Variants in CYTIP observed in about 807,000 individuals in gnomAD.
CYTIP encodes the protein cytohesin-interacting protein.
Under a neutral mutation model 43.8 loss-of-function variants are expected in CYTIP, and 26 were observed. The ratio of observed to expected loss-of-function variants is 0.59; its 90% CI spans 0.44 to 0.82. The LOEUF (loss-of-function observed/expected upper bound fraction) is 0.82, where lower values mean the gene tolerates loss of function less well. CYTIP is among the 40% of genes least tolerant of loss of function. The probability of loss-of-function intolerance (pLI) is 0.00; values close to 1 mark genes in which losing one functional copy is unlikely to be tolerated. For synonymous variants in CYTIP, 162 were observed against 162.9 expected, an observed-to-expected ratio of 0.99 and a Z score of 0.04; for missense variants, 426 against 443.1, an observed-to-expected ratio of 0.96 and a Z score of 0.35.
Position 157,415,687 on chromosome 2 carries a change from C to T in CYTIP, c.1070G>A (p.Ser357Asn), listed in dbSNP as rs199841400. 5 of 1,606,224 alleles carry T rather than the reference C, an allele frequency of 3.1e-6. No homozygotes were observed. In the African/African-American group the frequency reaches 4.0e-5, roughly 13 times the overall value. ...GLHRAVEEEE[S>N]RF ...GGACACCACAATCCGTCAAAAGCGA[C>T]TTTCTTCCTCTTCCACAGCACGATG... The change falls in exon 8 of 8, where the codon AGT (serine) becomes AAT (asparagine). Residue 357 changes from serine to asparagine, a missense_variant. Transcript: ENST00000264192.
Position 157,434,717 on chromosome 2 carries a change from C to T in CYTIP, c.205G>A (p.Asp69Asn). ...LALTRSSSLSDFSWSQRKLVT... is the reference protein window; with the variant it reads ...LALTRSSSLSNFSWSQRKLVT... ...CTTTACCTTTGAGACCAGGAAAAGT[C>T]ACTTAAAGAACTTGATCTGGTCAAA... The change falls in exon 2 of 8, where the codon GAC (aspartate) becomes AAC (asparagine). Residue 69 changes from aspartate to asparagine, a missense_variant. Physicochemically the swap from Asp to Asn is conservative, Grantham distance 23 (BLOSUM62 1). Transcript: ENST00000264192. 1 of 1,611,674 alleles carries T rather than the reference C, an allele frequency of 6.2e-7. No individual in the cohort carries two copies. Among genetic ancestry groups the T allele is most frequent in the Non-Finnish European group, 8.5e-7 (1 of 1,178,820 alleles).
rs1285345143 is a variant in CYTIP at position 157,415,888 on chromosome 2, C to G, written c.869G>C (p.Gly290Ala). 3 of 1,614,178 alleles carry G rather than the reference C, an allele frequency of 1.9e-6. No homozygotes were observed. The highest frequency in any genetic ancestry group is 2.5e-6 in the Non-Finnish European group (3 of 1,180,022). The change falls in exon 8 of 8, where the codon GGG becomes GCG. Residue 290 changes from glycine to alanine, a missense_variant. Transcript: ENST00000264192. The stretch of plus-strand genomic sequence containing the variant: ...AGATGACCTCCTCAGAAAATCATCC[C>G]CCTCCTTGGGGATAAAGCACTCATC... ...TDDECFIPKE[G>A]DDFLRRSSSR...
intron 6 of CYTIP, 103 bp from the exon 7 acceptor site, chr2:157,418,692 C>A: frequency 9.0e-7 from 1 of 1,107,372 alleles, no homozygotes; most frequent in Non-Finnish European, 1.3e-6. Context: ...AAATTTTTTA[C>A]CTTTCTTTCT....
At chr2:157,432,409 C>T (rs1263704965) in intron 3 of CYTIP, among the ~76,000 whole-genome samples, 2 of 152,192 alleles carry the variant, frequency 1.3e-5, no homozygotes, top group Non-Finnish European at 2.9e-5. Context: ...ACAATGATCA[C>T]CTGCATTTCT....
At position 157,434,387 on chromosome 2, in the gene CYTIP, A is replaced by G; in HGVS notation, c.262T>C (p.Phe88Leu). ...TTGCCCACCTGAATTTCAAATCCAA[A>G]TGTTTCATTATCCTGCTTCTCCACA... Reference protein sequence around the residue: ...VTVEKQDNETFGFEIQSYRPQ... With the variant: ...VTVEKQDNETLGFEIQSYRPQ... The change falls in exon 3 of 8, where the codon TTT (phenylalanine) becomes CTT (leucine). Residue 88 changes from phenylalanine to leucine, a missense_variant. Coordinates refer to ENST00000264192, the MANE Select transcript of CYTIP (RefSeq NM_004288.5). The G allele has an allele frequency of 6.2e-7, 1 of 1,613,234 alleles. No individual in the cohort carries two copies. Among genetic ancestry groups the G allele is most frequent in the South Asian group, 1.1e-5 (1 of 90,948 alleles).
chr2:157,440,792 G>T (rs1459745802), intron 1 of CYTIP, among the ~76,000 whole-genome samples: 1 of 152,184 alleles, frequency 6.6e-6, no homozygotes, highest in Non-Finnish European at 1.5e-5. Flanking sequence ...TCTCACTATA[G>T]CATTCTGTAA....
In CYTIP at chr2:157,415,580, G is replaced by T; in HGVS notation, c.*97C>A. 1.3e-6 allele frequency: 1 copy of T among 765,576 alleles called. No homozygotes were observed. Among genetic ancestry groups the T allele is most frequent in the Non-Finnish European group, 2.2e-6 (1 of 458,878 alleles). 47.4% of individuals were successfully genotyped at this position (765,576 alleles called of 1,614,324 possible). On this transcript the variant is annotated 3_prime_UTR_variant, in exon 8 of 8. Transcript: ENST00000264192. Reference sequence around the variant, plus strand: ...ACTATTGCTGTGAAATGGGATGTCAGTTTTGCAATTCTTCTGCACTTTCCC... The same window carrying T: ...ACTATTGCTGTGAAATGGGATGTCATTTTTGCAATTCTTCTGCACTTTCCC...
At chr2:157,431,644 T>C (rs1480639144) in intron 3 of CYTIP, among the ~76,000 whole-genome samples, 1 of 152,228 alleles carries the variant, frequency 6.6e-6, no homozygotes, top group Non-Finnish European at 1.5e-5. Flanking sequence ...AAACACTGAA[T>C]AAATGTTTGC....
chr2:157,437,285 T>C (rs1210609647), intron 1 of CYTIP, among the ~76,000 whole-genome samples: 1 of 151,946 alleles, frequency 6.6e-6, no homozygotes, highest in African/African-American at 2.4e-5. Context: ...ACCTGTGGAA[T>C]GGAAGGAAAT....
Position 157,439,180 on chromosome 2 carries a change from A to C in CYTIP, c.175-4433T>G, listed in dbSNP as rs368316640. Reference sequence around the variant, plus strand: ...ATCAGCAACACCAAAAGTCAGATTAAGTCAAATTACAAATTAGTTTCCATT... The same window carrying C: ...ATCAGCAACACCAAAAGTCAGATTACGTCAAATTACAAATTAGTTTCCATT... On this transcript the variant is annotated intron_variant, in intron 1 of 7. Transcript: ENST00000264192. The C allele has an allele frequency of 2.6e-5, 4 of 155,974 alleles. No homozygotes were observed. The South Asian group carries it at 7.3e-4, about 29-fold the overall frequency. 9.7% of individuals were successfully genotyped at this position (155,974 alleles called of 1,614,324 possible). A position where few individuals can be genotyped will look rare whatever the true frequency, so the allele number is the denominator to read the frequency against.
In CYTIP at chr2:157,434,509, A is replaced by C. The variant is rs1198906989; in HGVS notation, c.225-85T>G. The C allele has an allele frequency of 2.6e-6, 3 of 1,136,042 alleles. No individual in the cohort carries two copies. The Admixed American group carries it at 6.0e-5, about 23-fold the overall frequency. 70.4% of individuals were successfully genotyped at this position (1,136,042 alleles called of 1,614,324 possible). A position where few individuals can be genotyped will look rare whatever the true frequency, so the allele number is the denominator to read the frequency against. ...AGATCTATCATTAAAAATAACTGTCACAATTAAAAATAACTGACATTTATG... is the reference window on the plus strand; with the variant it reads ...AGATCTATCATTAAAAATAACTGTCCCAATTAAAAATAACTGACATTTATG... On this transcript the variant is annotated intron_variant, in intron 2 of 7. Coordinates refer to ENST00000264192, the MANE Select transcript of CYTIP (RefSeq NM_004288.5).
At chr2:157,434,616 A>AGG in intron 2 of CYTIP, 82 bp downstream of exon 2, 1 of 1,020,708 alleles carries the variant, frequency 9.8e-7, no homozygotes, top group Non-Finnish European at 1.5e-6. Flanking sequence ...AGAGAGAGAG[A>AGG]GGAAGAGAGA....
chr2:157,416,243 AG>A (rs1467691218), intron 7 of CYTIP, 100 bp from the exon 8 acceptor site: 14 of 998,584 alleles, frequency 1.4e-5, no homozygotes, highest in East Asian at 1.3e-4. Flanking sequence ...AGAAAGAGTA[AG>A]GGTGAAAAAT....
At chr2:157,430,992 T>C (rs1042778772) in intron 3 of CYTIP, 30 bp from the exon 4 acceptor site, 1 of 1,558,164 alleles carries the variant, frequency 6.4e-7, no homozygotes, top group Non-Finnish European at 8.7e-7. Flanking sequence ...ATATAGTTAC[T>C]ATTTAACAAC....
intron 1 of CYTIP, among the ~76,000 whole-genome samples, chr2:157,435,616 T>C (rs1377790182): frequency 6.6e-6 from 1 of 152,212 alleles, no homozygotes. Flanking sequence ...CAGGTTTTTG[T>C]GTTTTTTTGG....
chr2:157,420,408 C>T (rs991791768), intron 6 of CYTIP, among the ~76,000 whole-genome samples: 5 of 151,890 alleles, frequency 3.3e-5, no homozygotes, highest in South Asian at 2.1e-4. Flanking sequence ...CTCAGGTACT[C>T]GGGAGGCTGA....
At chr2:157,440,736 C>G (rs1272426112) in intron 1 of CYTIP, among the ~76,000 whole-genome samples, 1 of 152,190 alleles carries the variant, frequency 6.6e-6, no homozygotes, top group Non-Finnish European at 1.5e-5. Flanking sequence ...GAGAGTCAGT[C>G]TGTGGTACCA....
chr2:157,442,382 G>A (rs1341863871), intron 1 of CYTIP, among the ~76,000 whole-genome samples: 2 of 151,490 alleles, frequency 1.3e-5, no homozygotes, highest in African/African-American at 4.9e-5. Context: ...ATGGGCTAGA[G>A]AGTAGATCAA....
intron 6 of CYTIP, among the ~76,000 whole-genome samples, chr2:157,422,661 ACT>A: frequency 6.8e-6 from 1 of 147,266 alleles, no homozygotes; most frequent in South Asian, 2.2e-4. Context: ...CAAGGGCGAA[ACT>A]CTGTCTCAAA....
Sources: gnomAD v4.1 joint callset for allele counts (sites outside exome capture counted in the v4.1 genomes callset) on GRCh38, gnomAD v4.1.1 for gene constraint, MANE v1.5 for transcripts, NCBI Gene and HGNC (gene_info 2026-07-23, HGNC 2026-07-21) for gene names.